ACP3: variants seen among roughly 807,000 people sequenced by gnomAD.
The protein encoded by ACP3 is acid phosphatase 3.
In ACP3, 38 loss-of-function variants were observed where a neutral mutation model predicts 45.6. That is an observed-to-expected ratio of 0.83 (90% CI 0.64 to 1.09). ACP3 has a LOEUF of 1.09. Among genes scored for constraint, ACP3 ranks in the 50% least tolerant of loss-of-function variants. The pLI is 0.00. For synonymous variants in ACP3, 162 were observed against 164.7 expected (o/e 0.98, Z 0.13); for missense variants, 466 against 463.2 (o/e 1.01, Z -0.05).
intron 9 of ACP3, among the ~76,000 whole-genome samples, chr3:132,353,490 C>T (rs1442016669): frequency 2.0e-5 from 3 of 152,130 alleles, no homozygotes; most frequent in East Asian, 1.9e-4. Context: ...GCTGTGACAA[C>T]GACATTCTCA....
At chr3:132,342,277 T>C (rs1481215870) in intron 5 of ACP3, among the ~76,000 whole-genome samples, 1 of 152,218 alleles carries the variant, frequency 6.6e-6, no homozygotes. Context: ...TAACCAATAT[T>C]ACTGGTGCAT....
At chr3:132,346,852 C>T (rs1033401345) in intron 7 of ACP3, among the ~76,000 whole-genome samples, 1 of 152,206 alleles carries the variant, frequency 6.6e-6, no homozygotes, top group African/African-American at 2.4e-5. Context: ...CAACTACCAC[C>T]TGGCTAGAAA....
downstream of ACP3, among the ~76,000 whole-genome samples, chr3:132,359,908 T>C (rs1011122385): frequency 8.5e-5 from 13 of 152,328 alleles, no homozygotes; most frequent in African/African-American, 3.1e-4. Context: ...AATTAAATGC[T>C]ACAAATCCTA....
chr3:132,341,739 C>T (rs912821356), intron 5 of ACP3, among the ~76,000 whole-genome samples: 7 of 152,136 alleles, frequency 4.6e-5, no homozygotes, highest in Non-Finnish European at 8.8e-5. Flanking sequence ...GGCCCTGGAG[C>T]TTTTATGTTT....
At chr3:132,345,391 C>G (rs1937598149) in intron 7 of ACP3, among the ~76,000 whole-genome samples, 1 of 152,164 alleles carries the variant, frequency 6.6e-6, no homozygotes, top group Non-Finnish European at 1.5e-5. Flanking sequence ...GCTAAATGAT[C>G]CTTTCCATCC....
chr3:132,317,792 G>C (rs1052133336), intron 1 of ACP3, among the ~76,000 whole-genome samples: 17 of 152,116 alleles, frequency 1.1e-4, no homozygotes, highest in African/African-American at 3.6e-4. Flanking sequence ...TTTTTTAGGG[G>C]TTGCTTTTTA....
intron 1 of ACP3, 76 bp from the exon 2 acceptor site, chr3:132,328,191 A>C (rs1465805226): frequency 8.3e-7 from 1 of 1,211,364 alleles, no homozygotes; most frequent in Non-Finnish European, 1.2e-6. Context: ...GTTAGAAAAA[A>C]AAAAACTATT....
Position 132,357,292 on chromosome 3 carries a change from C to A in ACP3, c.*414C>A, listed in dbSNP as rs1042334. The A allele has an allele frequency of 6.2e-5, 61 of 986,642 alleles. No individual in the cohort carries two copies. The highest frequency in any genetic ancestry group is 3.7e-4 in the South Asian group (8 of 21,346). 61.1% of individuals were successfully genotyped at this position (986,642 alleles called of 1,614,324 possible). On this transcript the variant is annotated 3_prime_UTR_variant, in exon 10 of 10. Coordinates refer to ENST00000336375, the MANE Select transcript of ACP3 (RefSeq NM_001099.5). ...AAATGGAACAGATTTCAAAAAAAAA[C>A]CCCACAATCTAGGATGGGAACAAGG...
intron 1 of ACP3, among the ~76,000 whole-genome samples, chr3:132,326,458 C>CA (rs546032031): frequency 3.9e-4 from 60 of 152,172 alleles, no homozygotes; most frequent in Non-Finnish European, 6.8e-4. Context: ...CAGGTGCTCA[C>CA]AAAAAAATAT....
chr3:132,345,174 T>G lies in ACP3; in HGVS notation c.781+115T>G, dbSNP rs1273730791. 3 of 951,650 alleles carry G rather than the reference T, an allele frequency of 3.2e-6. No homozygotes were observed. The African/African-American group carries it at 4.9e-5, about 16-fold the overall frequency. 59.0% of individuals were successfully genotyped at this position (951,650 alleles called of 1,614,324 possible). ...CTCAGACAGTTCACTTAATCACTCT[T>G]GCACCAGCTTCCATTCTGCAAAATG... On this transcript the variant is annotated intron_variant, in intron 7 of 9. Transcript: ENST00000336375.
intron 4 of ACP3, among the ~76,000 whole-genome samples, chr3:132,334,966 T>C (rs1202372090): frequency 3.3e-5 from 5 of 152,026 alleles, no homozygotes; most frequent in Non-Finnish European, 5.9e-5. Flanking sequence ...AAAGTCAAGT[T>C]AGTTAAAAAA....
intron 1 of ACP3, among the ~76,000 whole-genome samples, chr3:132,324,470 G>T (rs1025057886): frequency 6.6e-6 from 1 of 152,046 alleles, no homozygotes; most frequent in Non-Finnish European, 1.5e-5. Flanking sequence ...TGAGAATTAG[G>T]AGATCTGGAC....
chr3:132,336,822 A>C (rs564179363), intron 4 of ACP3, among the ~76,000 whole-genome samples: 5 of 152,226 alleles, frequency 3.3e-5, no homozygotes, highest in Non-Finnish European at 5.9e-5. Context: ...GGGCAACAAA[A>C]TAAACTTGAG....
At chr3:132,363,577 A>G (rs1185690715), downstream of ACP3, among the ~76,000 whole-genome samples, 3 of 152,142 alleles carry the variant, frequency 2.0e-5, no homozygotes, top group Non-Finnish European at 4.4e-5. Flanking sequence ...GGTATTTTCA[A>G]TAGTTCTCTA....
At position 132,349,989 on chromosome 3, in the gene ACP3, T is replaced by C. The variant is rs576994579; in HGVS notation, c.851T>C (p.Ile284Thr). ...CAGATACCAAGCTACAAAAAACTCA[T>C]CATGTATTCTGCGGTAAGTATTTTC... Reference protein sequence around the residue: ...ATQIPSYKKLIMYSAHDTTVS... With the variant: ...ATQIPSYKKLTMYSAHDTTVS... The change falls in exon 8 of 10, where the codon ATC becomes ACC. Residue 284 changes from isoleucine (I) to threonine (T), a missense_variant. By Grantham distance (89) the Ile-to-Thr change is moderately conservative. Transcript: ENST00000336375. The C allele has an allele frequency of 9.6e-5, 154 of 1,601,074 alleles. No individual in the cohort carries two copies. Among genetic ancestry groups the C allele is most frequent in the Non-Finnish European group, 1.2e-4 (142 of 1,168,102 alleles).
intron 6 of ACP3, 30 bp downstream of exon 6, chr3:132,342,674 T>C (rs770930439): frequency 7.5e-7 from 1 of 1,333,104 alleles, no homozygotes; most frequent in East Asian, 2.3e-5. Context: ...CAGGTTAACT[T>C]GCAATCTGAT....
At chr3:132,338,865 T>C (rs905454776) in intron 5 of ACP3, among the ~76,000 whole-genome samples, 11 of 152,214 alleles carry the variant, frequency 7.2e-5, no homozygotes, top group African/African-American at 2.4e-4. Flanking sequence ...TGTTTTTTGA[T>C]ATTGTATTTC....
chr3:132,356,209 C>T (rs546076452), intron 9 of ACP3, among the ~76,000 whole-genome samples: 2 of 152,190 alleles, frequency 1.3e-5, no homozygotes, highest in African/African-American at 4.8e-5. Flanking sequence ...TTATTCAGTT[C>T]CATGTTTATA....
rs1348172281 is a variant in ACP3 at position 132,352,810 on chromosome 3, T to C, written c.955T>C (p.Tyr319His). 2 of 1,610,034 alleles carry C rather than the reference T, an allele frequency of 1.2e-6. No individual in the cohort carries two copies. Among genetic ancestry groups the C allele is most frequent in the African/African-American group, 1.3e-5 (1 of 74,812 alleles). Residue 319 changes from tyrosine to histidine, a missense_variant, in exon 9 of 10, where the codon TAC becomes CAC. Coordinates refer to ENST00000336375, the MANE Select transcript of ACP3 (RefSeq NM_001099.5). ...PYASCHLTEL[Y>H]FEKGEYFVEM... ...TGCTTCTTGCCACTTGACGGAATTGTACTTTGAGAAGGGGTAAGTGACTAA... is the reference window on the plus strand; with the variant it reads ...TGCTTCTTGCCACTTGACGGAATTGCACTTTGAGAAGGGGTAAGTGACTAA...
Sources: gnomAD v4.1 joint callset for allele counts (sites outside exome capture counted in the v4.1 genomes callset) on GRCh38, gnomAD v4.1.1 for gene constraint, MANE v1.5 for transcripts, NCBI Gene and HGNC (gene_info 2026-07-23, HGNC 2026-07-21) for gene names.